Variants in EML4 observed in about 807,000 individuals in gnomAD.
EML4 encodes the protein EMAP like 4.
EML4 carries 72 observed loss-of-function variants against 129.0 expected under a neutral mutation model. The ratio of observed to expected loss-of-function variants is 0.56; its 90% CI spans 0.46 to 0.68. EML4 has a LOEUF of 0.68. Ranked by LOEUF, EML4 falls within the 30% of genes least tolerant of loss-of-function variation. EML4 has a pLI of 0.00. For synonymous variants in EML4, 532 were observed against 405.0 expected (o/e 1.31, Z -3.77); for missense variants, 1,363 against 1,190.6 (o/e 1.14, Z -2.13).
intron 13 of EML4, among the ~76,000 whole-genome samples, chr2:42,300,717 G>T (rs184347451): frequency 1.3e-5 from 2 of 152,164 alleles, no homozygotes; most frequent in East Asian, 1.9e-4. Flanking sequence ...AACGTTAAAC[G>T]TTGTGACTGT....
At chr2:42,274,557 T>C (rs1666550700) in intron 6 of EML4, among the ~76,000 whole-genome samples, 1 of 152,228 alleles carries the variant, frequency 6.6e-6, no homozygotes, top group African/African-American at 2.4e-5. Flanking sequence ...CCACTCTGCC[T>C]GAATTTTTCC....
chr2:42,222,026 C>T (rs1405756911), intron 1 of EML4, among the ~76,000 whole-genome samples: 2 of 152,040 alleles, frequency 1.3e-5, no homozygotes, highest in Non-Finnish European at 2.9e-5. Context: ...AGCCTCTGCA[C>T]CTGGCCTAAA....
intron 3 of EML4, among the ~76,000 whole-genome samples, chr2:42,259,455 T>C (rs1262112686): frequency 6.6e-6 from 1 of 152,126 alleles, no homozygotes; most frequent in Non-Finnish European, 1.5e-5. Context: ...CAAAAGAATT[T>C]ATACTTAAAT....
At chr2:42,236,306 A>G (rs1047165802) in intron 1 of EML4, among the ~76,000 whole-genome samples, 1 of 152,138 alleles carries the variant, frequency 6.6e-6, no homozygotes, top group Admixed American at 6.6e-5. Context: ...TAATATCACA[A>G]TTTACCCGTT....
chr2:42,247,810 A>T (rs1675509486), intron 2 of EML4, among the ~76,000 whole-genome samples: 1 of 152,064 alleles, frequency 6.6e-6, no homozygotes, highest in Non-Finnish European at 1.5e-5. Context: ...AGATCTGTTA[A>T]TGTATATGGG....
chr2:42,198,960 C>T (rs1348322688), intron 1 of EML4, among the ~76,000 whole-genome samples: 1 of 152,058 alleles, frequency 6.6e-6, no homozygotes, highest in African/African-American at 2.4e-5. Context: ...TTTGGGAAGA[C>T]CCAGGGGCCA....
chr2:42,327,655 G>C (rs1391324775), intron 21 of EML4, among the ~76,000 whole-genome samples: 1 of 152,158 alleles, frequency 6.6e-6, no homozygotes, highest in Non-Finnish European at 1.5e-5. Context: ...CTCTATGACT[G>C]TTTTCTAAGC....
chr2:42,203,707 A>C lies in EML4; in HGVS notation c.25+34071A>C, dbSNP rs771028158. Among the ~76,000 whole-genome samples, 4 of 150,702 alleles carry C rather than the reference A, an allele frequency of 2.7e-5. No individual in the cohort carries two copies. In the East Asian group the frequency reaches 7.7e-4, roughly 29 times the overall value. On this transcript the variant is annotated intron_variant, in intron 1 of 22. Transcript: ENST00000318522. Reference sequence around the variant, plus strand: ...GTGTGAATTGCAGTTGCCTGAACATAAAGAGGGGAAAAAAAAAACAGAGAG... The same window carrying C: ...GTGTGAATTGCAGTTGCCTGAACATCAAGAGGGGAAAAAAAAAACAGAGAG...
chr2:42,248,753 G>T (rs1322505169), intron 2 of EML4, among the ~76,000 whole-genome samples: 1 of 151,948 alleles, frequency 6.6e-6, no homozygotes, highest in Admixed American at 6.6e-5. Context: ...AATATGCTAA[G>T]ATGGTTCATT....
chr2:42,273,542 T>G (rs989889653), intron 6 of EML4, among the ~76,000 whole-genome samples: 2 of 152,128 alleles, frequency 1.3e-5, no homozygotes, highest in African/African-American at 4.8e-5. Context: ...TGGTTATGTC[T>G]CCAATCTAAG....
chr2:42,172,274 A>G (rs993309491), intron 1 of EML4, among the ~76,000 whole-genome samples: 2 of 152,230 alleles, frequency 1.3e-5, no homozygotes, highest in Non-Finnish European at 2.9e-5. Flanking sequence ...AGAGAATCCT[A>G]TGGTGACTCA....
intron 1 of EML4, among the ~76,000 whole-genome samples, chr2:42,239,770 C>CG (rs375569229): frequency 3.6e-4 from 10 of 28,154 alleles, no homozygotes; most frequent in African/African-American, 1.1e-3. Context: ...ATAAAGGCGG[C>CG]GGGGGGTGGG....
intron 2 of EML4, among the ~76,000 whole-genome samples, chr2:42,248,128 A>G (rs1328607298): frequency 6.6e-6 from 1 of 152,086 alleles, no homozygotes; most frequent in Non-Finnish European, 1.5e-5. Context: ...GTACACCACC[A>G]TGCCCTGCTA....
intron 6 of EML4, among the ~76,000 whole-genome samples, chr2:42,269,987 A>G (rs545803676): frequency 3.9e-5 from 6 of 152,342 alleles, no homozygotes; most frequent in Admixed American, 3.3e-4. Flanking sequence ...GTTCTACACT[A>G]TGAGTTAGAT....
intron 10 of EML4, among the ~76,000 whole-genome samples, chr2:42,287,512 C>G (rs1246321662): frequency 6.6e-6 from 1 of 152,260 alleles, no homozygotes; most frequent in South Asian, 2.1e-4. Context: ...TGCCCTTCCT[C>G]AGTGCCTCTC....
chr2:42,296,093 T>C (rs1309490411), intron 13 of EML4, among the ~76,000 whole-genome samples: 1 of 152,154 alleles, frequency 6.6e-6, no homozygotes, highest in African/African-American at 2.4e-5. Flanking sequence ...ATGAAAAAAT[T>C]AGAGGAAGGA....
intron 2 of EML4, among the ~76,000 whole-genome samples, chr2:42,252,430 C>G (rs1219620850): frequency 1.3e-5 from 2 of 152,210 alleles, no homozygotes; most frequent in Non-Finnish European, 2.9e-5. Flanking sequence ...ATCTTATTCT[C>G]AGACCACTGC....
At chr2:42,180,418 G>A (rs1299700192) in intron 1 of EML4, among the ~76,000 whole-genome samples, 1 of 152,130 alleles carries the variant, frequency 6.6e-6, no homozygotes, top group East Asian at 1.9e-4. Flanking sequence ...TGAAAAATAG[G>A]GTGATCTTGC....
At chr2:42,185,777 T>C (rs1671212918) in intron 1 of EML4, among the ~76,000 whole-genome samples, 1 of 152,120 alleles carries the variant, frequency 6.6e-6, no homozygotes, top group Non-Finnish European at 1.5e-5. Context: ...AGTTTGCTCG[T>C]ACTGGGGAGA....
Sources: gnomAD v4.1 joint callset for allele counts (sites outside exome capture counted in the v4.1 genomes callset) on GRCh38, gnomAD v4.1.1 for gene constraint, MANE v1.5 for transcripts, NCBI Gene and HGNC (gene_info 2026-07-23, HGNC 2026-07-21) for gene names.